CDC123: variants seen among roughly 807,000 people sequenced by gnomAD.
CDC123 encodes the protein cell division cycle 123.
A neutral mutation model predicts 54.4 loss-of-function variants in CDC123; 37 were observed. That is an observed-to-expected ratio of 0.68 (90% CI 0.52 to 0.89). CDC123 has a LOEUF of 0.89. CDC123 is among the 40% of genes least tolerant of loss of function. The pLI, the probability that CDC123 is intolerant of heterozygous loss-of-function variation, is 0.00. For synonymous variants in CDC123, 144 were observed against 136.8 expected (o/e 1.05, Z -0.37); for missense variants, 361 against 412.1 (o/e 0.88, Z 1.07).
At chr10:12,219,360 T>C (rs968871174) in intron 6 of CDC123, among the ~76,000 whole-genome samples, 3 of 152,158 alleles carry the variant, frequency 2.0e-5, no homozygotes, top group Non-Finnish European at 4.4e-5. Context: ...TGTCTGTGTG[T>C]CTGTGTCTGT....
At chr10:12,237,393 ATTAT>A (rs1362871794) in intron 9 of CDC123, 127 bp downstream of exon 9, 1 of 673,956 alleles carries the variant, frequency 1.5e-6, no homozygotes, top group Non-Finnish European at 2.1e-6. Flanking sequence ...TTACTATATT[ATTAT>A]TTGTTATTTT....
At chr10:12,228,408 AG>A (rs1448598890) in intron 6 of CDC123, among the ~76,000 whole-genome samples, 2 of 71,736 alleles carry the variant, frequency 2.8e-5, no homozygotes, top group Admixed American at 2.2e-4. Flanking sequence ...GGTTGTTTTT[AG>A]TTTTTTTTTT....
rs1564435612 is a variant in CDC123 at position 12,215,784 on chromosome 10, C to A, written c.282C>A (p.Ile94=). The A allele has an allele frequency of 3.1e-6, 5 of 1,612,892 alleles. No homozygotes were observed. Among genetic ancestry groups the A allele is most frequent in the Non-Finnish European group, 4.2e-6 (5 of 1,179,580 alleles). Residue 94 remains isoleucine, a synonymous_variant, in exon 5 of 13, where the codon ATC becomes ATA. Coordinates refer to ENST00000281141, the MANE Select transcript of CDC123 (RefSeq NM_006023.3). ...TTGCCACTAAAGTCCAGGAAGCTATCAATTCCCTCGGGGGCAGTGTCTTTC... is the reference window on the plus strand; with the variant it reads ...TTGCCACTAAAGTCCAGGAAGCTATAAATTCCCTCGGGGGCAGTGTCTTTC... The part of the protein sequence containing the change: ...PEFATKVQEA[I]NSLGGSVFPK...
chr10:12,205,728 G>A (rs1164620398), intron 2 of CDC123, among the ~76,000 whole-genome samples: 1 of 152,054 alleles, frequency 6.6e-6, no homozygotes, highest in Non-Finnish European at 1.5e-5. Flanking sequence ...CTAAATATTA[G>A]CACCATACTT....
intron 2 of CDC123, among the ~76,000 whole-genome samples, chr10:12,203,586 G>A (rs2131731851): frequency 1.3e-5 from 2 of 152,178 alleles, no homozygotes; most frequent in Middle Eastern, 6.8e-3. Context: ...AAGGAGGCTG[G>A]CAATGTGCTT....
chr10:12,226,067 C>G (rs866321258), intron 6 of CDC123, among the ~76,000 whole-genome samples: 1 of 152,014 alleles, frequency 6.6e-6, no homozygotes, highest in Non-Finnish European at 1.5e-5. Flanking sequence ...TCAGAGAGCA[C>G]GGGGTTGGGG....
Position 12,196,439 on chromosome 10 carries a change from C to T in CDC123, c.74+120C>T, listed in dbSNP as rs550785421. On this transcript the variant is annotated intron_variant, in intron 1 of 12. Transcript: ENST00000281141. ...AGCGACTGCATGGGAGGGAGTGTGT[C>T]GAGAGGGAAGTACATCAGCAATTGT... The T allele has an allele frequency of 1.2e-3, 1,587 of 1,311,658 alleles. 3 individuals carry two copies. The highest frequency in any genetic ancestry group is 1.5e-3 in the Non-Finnish European group (1,428 of 929,900). 81.3% of individuals were successfully genotyped at this position (1,311,658 alleles called of 1,614,324 possible).
intron 10 of CDC123, among the ~76,000 whole-genome samples, chr10:12,242,434 G>T (rs1230114278): frequency 6.6e-6 from 1 of 152,194 alleles, no homozygotes; most frequent in Non-Finnish European, 1.5e-5. Flanking sequence ...GTGGAGATGT[G>T]TGTTCTGCTC....
intron 6 of CDC123, among the ~76,000 whole-genome samples, chr10:12,229,195 A>C (rs959225704): frequency 1.3e-5 from 2 of 152,190 alleles, no homozygotes; most frequent in Non-Finnish European, 2.9e-5. Context: ...GTCCAACACC[A>C]TTGTGCCATA....
Position 12,210,546 on chromosome 10 carries a change from G to A in CDC123, c.237+224G>A, listed in dbSNP as rs534549936. On this transcript the variant is annotated intron_variant, in intron 4 of 12. Coordinates refer to ENST00000281141, the MANE Select transcript of CDC123 (RefSeq NM_006023.3). ...CCTTTGATTGCAAAGGAAATATTTC[G>A]AGTGCGTATTTGATGCCTTGACTTC... 6.6e-5 allele frequency among the ~76,000 whole-genome samples: 10 copies of A among 152,184 alleles called. No individual in the cohort carries two copies. The South Asian group carries it at 2.1e-3, about 32-fold the overall frequency.
At chr10:12,248,117 C>T (rs75157426) in intron 11 of CDC123, among the ~76,000 whole-genome samples, 5 of 152,184 alleles carry the variant, frequency 3.3e-5, no homozygotes, top group Admixed American at 2.6e-4. Context: ...TAAACACATG[C>T]ATAGACCTTT....
chr10:12,244,614 C>T (rs1051995180), intron 10 of CDC123: 1 of 150,100 alleles, frequency 6.7e-6, no homozygotes, highest in African/African-American at 2.5e-5. Context: ...ACATTTCTTT[C>T]AGAGGTTGGG....
At position 12,200,143 on chromosome 10, in the gene CDC123, T is replaced by TTA. The variant is rs1350723293; in HGVS notation, c.146+1367_146+1368insTA. On this transcript the variant is annotated intron_variant, in intron 2 of 12. Transcript: ENST00000281141. ...GCATTTTTTTTTTTTTTTTTTTTTT[T>TTA]AAAGATGGAGTCTTGCTCTGTCAGC... Among the ~76,000 whole-genome samples the TTA allele has an allele frequency of 2.0e-4, 27 of 136,864 alleles. No individual in the cohort carries two copies. In the South Asian group the frequency reaches 6.5e-3, roughly 33 times the overall value. The allele number at this position is 136,864 out of a possible 152,430, so 89.8% of individuals were successfully genotyped here.
chr10:12,214,708 C>T (rs986470446), intron 4 of CDC123, among the ~76,000 whole-genome samples: 11 of 152,116 alleles, frequency 7.2e-5, no homozygotes, highest in African/African-American at 2.4e-4. Flanking sequence ...TTTTCTCTCG[C>T]ATAGCTGGGT....
chr10:12,211,470 G>A (rs1285760754), intron 4 of CDC123, among the ~76,000 whole-genome samples: 1 of 152,172 alleles, frequency 6.6e-6, no homozygotes. Context: ...CCTGCCAGCA[G>A]GTGCCTAAGT....
At chr10:12,226,418 G>A (rs1356955556) in intron 6 of CDC123, among the ~76,000 whole-genome samples, 6 of 152,020 alleles carry the variant, frequency 3.9e-5, no homozygotes, top group African/African-American at 1.4e-4. Context: ...CCACCTCCTG[G>A]AGGGGGCAGC....
intron 1 of CDC123, 82 bp downstream of exon 1, chr10:12,196,401 A>T (rs1446810469): frequency 6.3e-7 from 1 of 1,583,572 alleles, no homozygotes; most frequent in Non-Finnish European, 8.7e-7. Context: ...ATCCAAAAAA[A>T]TGCAGGCCTT....
intron 8 of CDC123, 59 bp downstream of exon 8, chr10:12,235,182 G>T: frequency 1.4e-6 from 2 of 1,427,318 alleles, no homozygotes; most frequent in South Asian, 1.2e-5. Flanking sequence ...AAGAAAACAA[G>T]CTTTTGTTGG....
rs1318551131 is a variant in CDC123 at position 12,215,844 on chromosome 10, A to G, written c.333+9A>G. On this transcript the variant is annotated intron_variant, in intron 5 of 12. Transcript: ENST00000281141. ...ATTGGAGTGCCCCAAGGGTAGGAAC[A>G]CATAAGTAATTCTCTTACTGTTTGA... 1.3e-6 allele frequency: 2 copies of G among 1,536,548 alleles called. No individual in the cohort carries two copies. The highest frequency in any genetic ancestry group is 1.7e-4 in the Middle Eastern group (1 of 5,856).
Sources: allele counts gnomAD v4.1 joint callset (sites outside exome capture counted in the v4.1 genomes callset), GRCh38; gene constraint gnomAD v4.1.1; transcripts MANE v1.5; gene names NCBI Gene and HGNC (gene_info 2026-07-23, HGNC 2026-07-21).